Variants in NXPE2 observed in about 807,000 individuals in gnomAD.
NXPE2 encodes the protein NXPE family member 2.
A neutral mutation model predicts 34.4 loss-of-function variants in NXPE2; 34 were observed. That is an observed-to-expected ratio of 0.99 (90% CI 0.75 to 1.31). NXPE2 has a LOEUF of 1.31. NXPE2 is among the 40% of genes most tolerant of loss of function. The pLI is 0.00. For missense variants in NXPE2, 649 were observed against 672.5 expected (o/e 0.97, Z 0.39); for synonymous variants, 235 against 231.3 (o/e 1.02, Z -0.15).
At chr11:114,487,165 T>A in the NXPE2 span, among the ~76,000 whole-genome samples, 2 of 152,138 alleles carry the variant, frequency 1.3e-5, no homozygotes, top group African/African-American at 4.8e-5. Flanking sequence ...GAAAAAAGTT[T>A]CTTGCATCAG....
the NXPE2 span, among the ~76,000 whole-genome samples, chr11:114,623,587 G>A: frequency 6.6e-6 from 1 of 152,060 alleles, no homozygotes; most frequent in African/African-American, 2.4e-5. Context: ...GTTACCCTTG[G>A]AAAATAAGTG....
the NXPE2 span, among the ~76,000 whole-genome samples, chr11:114,807,486 G>C: frequency 2.6e-5 from 4 of 151,896 alleles, no homozygotes; most frequent in African/African-American, 9.7e-5. Flanking sequence ...AAAATAAAGG[G>C]ATGGAGGAAG....
the NXPE2 span, among the ~76,000 whole-genome samples, chr11:114,603,688 C>T: frequency 6.6e-6 from 1 of 151,066 alleles, no homozygotes; most frequent in East Asian, 2.0e-4. Flanking sequence ...ACTCCTATTA[C>T]CTGGGGGATG....
At chr11:114,594,540 GT>G in the NXPE2 span, 2 of 672,762 alleles carry the variant, frequency 3.0e-6, no homozygotes, top group Non-Finnish European at 5.3e-6. Context: ...ATGTTGTTTG[GT>G]ATCTAGCTAT....
the NXPE2 span, among the ~76,000 whole-genome samples, chr11:114,469,108 G>GTTTTT: frequency 1.4e-4 from 15 of 109,876 alleles, no homozygotes; most frequent in Admixed American, 1.9e-4. Flanking sequence ...TACAGTGCTA[G>GTTTTT]CTTTTTTTTT....
the NXPE2 span, among the ~76,000 whole-genome samples, chr11:114,639,600 G>A: frequency 6.1e-5 from 9 of 148,564 alleles, no homozygotes; most frequent in Non-Finnish European, 1.3e-4. Flanking sequence ...GTTCCTATTC[G>A]GCCATCTTGG....
the NXPE2 span, among the ~76,000 whole-genome samples, chr11:114,471,004 T>G: frequency 1.3e-5 from 2 of 152,256 alleles, no homozygotes; most frequent in African/African-American, 4.8e-5. Flanking sequence ...GTTTTCTTAC[T>G]GAATTTTGGA....
the NXPE2 span, among the ~76,000 whole-genome samples, chr11:114,639,818 A>AATATAATATATATTATATTAAATATAAT: frequency 8.4e-6 from 1 of 118,726 alleles, no homozygotes; most frequent in South Asian, 2.3e-4. Context: ...AATAATATAA[A>AATATAATATATATTATATTAAATATAAT]ATATAATATA....
the NXPE2 span, among the ~76,000 whole-genome samples, chr11:114,631,651 T>A: frequency 6.6e-6 from 1 of 152,016 alleles, no homozygotes; most frequent in East Asian, 1.9e-4. Flanking sequence ...TGTGCACAGG[T>A]ACCCTAAAAC....
At chr11:114,647,711 T>A in the NXPE2 span, among the ~76,000 whole-genome samples, 17 of 151,914 alleles carry the variant, frequency 1.1e-4, 1 homozygote, top group East Asian at 2.5e-3. Context: ...TTTTATTTTT[T>A]TTTTTTTTGA....
the NXPE2 span, among the ~76,000 whole-genome samples, chr11:114,793,262 A>T: frequency 6.6e-6 from 1 of 152,028 alleles, no homozygotes; most frequent in African/African-American, 2.4e-5. Context: ...GGTACCTTGG[A>T]TAGGGCCCCA....
At chr11:114,618,043 A>G in the NXPE2 span, among the ~76,000 whole-genome samples, 3 of 130,536 alleles carry the variant, frequency 2.3e-5, no homozygotes, top group South Asian at 2.5e-4. Context: ...CGTGGGTAAC[A>G]ACTCTTACCC....
At chr11:114,583,014 G>C in the NXPE2 span, 2 of 1,605,642 alleles carry the variant, frequency 1.2e-6, no homozygotes, top group African/African-American at 2.7e-5. Flanking sequence ...GTTTAGAGCA[G>C]ACCAAACCTG....
At chr11:114,755,339 C>T in the NXPE2 span, among the ~76,000 whole-genome samples, 6 of 152,146 alleles carry the variant, frequency 3.9e-5, no homozygotes, top group African/African-American at 1.4e-4. Flanking sequence ...TGTGAACTAC[C>T]AGACATCCCT....
chr11:114,651,273 C>A, the NXPE2 span, among the ~76,000 whole-genome samples: 7 of 151,798 alleles, frequency 4.6e-5, no homozygotes, highest in Non-Finnish European at 1.0e-4. Flanking sequence ...TTCTTCCTTG[C>A]GGTGGGTTCG....
At chr11:114,492,639 C>T in the NXPE2 span, among the ~76,000 whole-genome samples, 170 of 151,904 alleles carry the variant, frequency 1.1e-3, no homozygotes, top group Non-Finnish European at 2.1e-3. Context: ...CCTGGGTTCA[C>T]GCCATTCTCC....
chr11:114,590,727 T>A, the NXPE2 span, among the ~76,000 whole-genome samples: 1 of 152,196 alleles, frequency 6.6e-6, no homozygotes, highest in Non-Finnish European at 1.5e-5. Context: ...AAACTTGATT[T>A]GCAGGTAAAG....
chr11:114,715,734 TA>T, the NXPE2 span, among the ~76,000 whole-genome samples: 3 of 152,200 alleles, frequency 2.0e-5, no homozygotes, highest in African/African-American at 4.8e-5. Flanking sequence ...TTATGAAGTA[TA>T]AATAAACAAA....
At chr11:114,586,833 A>C in the NXPE2 span, among the ~76,000 whole-genome samples, 3 of 152,184 alleles carry the variant, frequency 2.0e-5, no homozygotes, top group East Asian at 5.8e-4. Flanking sequence ...GCAATGCTTT[A>C]AAAATTTTTA....
Sources: gnomAD v4.1 joint callset for allele counts (sites outside exome capture counted in the v4.1 genomes callset) on GRCh38, gnomAD v4.1.1 for gene constraint, MANE v1.5 for transcripts, NCBI Gene and HGNC (gene_info 2026-07-23, HGNC 2026-07-21) for gene names.